The following NHSL2 variants were observed in gnomAD, a reference collection of about 807,000 sequenced individuals.
NHSL2 encodes NHS-like protein 2.
NHSL2 carries 27 observed loss-of-function variants against 53.4 expected under a neutral mutation model. That is an observed-to-expected ratio of 0.51 (90% CI 0.37 to 0.70). The LOEUF is 0.70. Among genes scored for constraint, NHSL2 ranks in the 30% least tolerant of loss-of-function variants. The probability of loss-of-function intolerance (pLI) is 0.00; values close to 1 mark genes in which losing one functional copy is unlikely to be tolerated. For missense variants in NHSL2, 892 were observed against 980.1 expected (o/e 0.91, Z 1.20); for synonymous variants, 408 against 404.1 (o/e 1.01, Z -0.12).
In NHSL2 at chrX:72,130,283, T is replaced by G. The variant is rs6624595; in HGVS notation, c.281-1796T>G. On this transcript the variant is annotated intron_variant, in intron 1 of 7. Coordinates refer to ENST00000633930, the MANE Select transcript of NHSL2 (RefSeq NM_001013627.3). Reference sequence around the variant, plus strand: ...TCATCTTCATCTTCTTCATCCTTACTCTCTCCTTCCTCCTCATTCTTGTTC... The same window carrying G: ...TCATCTTCATCTTCTTCATCCTTACGCTCTCCTTCCTCCTCATTCTTGTTC... 129,357 of 1,197,040 alleles carry G rather than the reference T, an allele frequency of 0.11. 7,681 individuals carry two copies. Among genetic ancestry groups the G allele is most frequent in the East Asian group, 0.52 (17,381 of 33,514 alleles).
At position 72,134,490 on chromosome X, in the gene NHSL2, T is replaced by A. The variant is rs1279939939; in HGVS notation, c.565-19T>A. The stretch of plus-strand genomic sequence containing the variant: ...GCCAGGCAGGAATACACCCTTTCCA[T>A]CACCTTCTCTCCCAACAGCCTACAA... On this transcript the variant is annotated intron_variant, in intron 3 of 7. Transcript: ENST00000633930. 8.7e-7 allele frequency: 1 copy of A among 1,147,716 alleles called. No homozygotes were observed. The highest frequency in any genetic ancestry group is 1.8e-5 in the African/African-American group (1 of 55,600). 94.6% of individuals were successfully genotyped at this position (1,147,716 alleles called of 1,213,427 possible).
chrX:71,924,513 A>G (rs1263659510), intron 1 of NHSL2, among the ~76,000 whole-genome samples: 1 of 111,851 alleles, frequency 8.9e-6, no homozygotes, highest in South Asian at 3.8e-4. Flanking sequence ...CTTCTTTAGA[A>G]CTTGAAAGAA....
In NHSL2 at chrX:72,048,344, C is replaced by A. The variant is rs185756408; in HGVS notation, c.281-83735C>A. ...GGTGGTTATTAGGAAGGAATGGGAG[C>A]CAGAGTGCGTGTGGGTAGGGGTAGC... is the stretch of plus-strand genomic sequence containing the variant. On this transcript the variant is annotated intron_variant, in intron 1 of 7. Coordinates refer to ENST00000633930, the MANE Select transcript of NHSL2 (RefSeq NM_001013627.3). 4.6e-3 allele frequency among the ~76,000 whole-genome samples: 512 copies of A among 110,796 alleles called. 4 individuals carry two copies. Among genetic ancestry groups the A allele is most frequent in the African/African-American group, 0.016 (498 of 30,443 alleles).
At chrX:71,986,756 G>A (rs1270729012) in intron 1 of NHSL2, among the ~76,000 whole-genome samples, 3 of 111,100 alleles carry the variant, frequency 2.7e-5, no homozygotes, top group Non-Finnish European at 5.7e-5. Flanking sequence ...ATTTGGACAC[G>A]TGGGCCCAAA....
intron 1 of NHSL2, among the ~76,000 whole-genome samples, chrX:71,981,187 T>TA (rs2041976793): frequency 8.9e-6 from 1 of 111,912 alleles, no homozygotes; most frequent in South Asian, 3.7e-4. Context: ...TTATGAAAAG[T>TA]AAAAAACTTT....
intron 1 of NHSL2, among the ~76,000 whole-genome samples, chrX:72,023,202 G>C (rs1027693530): frequency 8.9e-6 from 1 of 112,868 alleles, no homozygotes; most frequent in African/African-American, 3.2e-5. Context: ...CAAGGCAACA[G>C]GGAAGTCCAA....
chrX:72,135,551 A>T (rs2042349412), intron 4 of NHSL2, among the ~76,000 whole-genome samples: 1 of 111,890 alleles, frequency 8.9e-6, no homozygotes, highest in Non-Finnish European at 1.9e-5. Context: ...GGAAATGTTG[A>T]TGAAGATGAT....
intron 1 of NHSL2, among the ~76,000 whole-genome samples, chrX:72,086,654 AGC>A (rs1308153867): frequency 2.1e-5 from 2 of 94,276 alleles, no homozygotes; most frequent in Non-Finnish European, 4.1e-5. Context: ...ACTGTACTCC[AGC>A]CTGGGAGACA....
chrX:71,932,052 C>T (rs1041053100), intron 1 of NHSL2, among the ~76,000 whole-genome samples: 1 of 112,383 alleles, frequency 8.9e-6, no homozygotes, highest in African/African-American at 3.2e-5. Flanking sequence ...AACAATTAGC[C>T]ATGGCCCTTG....
chrX:72,119,942 G>GTTT (rs2042169054), intron 1 of NHSL2, among the ~76,000 whole-genome samples: 1 of 112,114 alleles, frequency 8.9e-6, no homozygotes, highest in Non-Finnish European at 1.9e-5. Flanking sequence ...TTTGTTGAGG[G>GTTT]TTTTTATCAT....
chrX:71,932,134 G>A (rs968224746), intron 1 of NHSL2, among the ~76,000 whole-genome samples: 1 of 111,740 alleles, frequency 8.9e-6, no homozygotes, highest in African/African-American at 3.3e-5. Context: ...AATTTTAAAT[G>A]AATGATAGAA....
intron 1 of NHSL2, among the ~76,000 whole-genome samples, chrX:72,042,703 T>A (rs747514747): frequency 9.4e-6 from 1 of 106,033 alleles, no homozygotes; most frequent in East Asian, 3.0e-4. Context: ...GGCAGACTCT[T>A]GGGAAGAGGC....
chrX:71,987,410 G>A (rs2042007942), intron 1 of NHSL2, among the ~76,000 whole-genome samples: 1 of 111,521 alleles, frequency 9.0e-6, no homozygotes, highest in East Asian at 2.8e-4. Context: ...GGGCATGGCT[G>A]TCCATATGTC....
intron 1 of NHSL2, among the ~76,000 whole-genome samples, chrX:72,123,765 A>G (rs751334033): frequency 9.0e-6 from 1 of 111,288 alleles, no homozygotes; most frequent in Admixed American, 9.5e-5. Flanking sequence ...TTCTCACCCG[A>G]ACAGCCCACT....
chrX:71,958,877 G>A (rs2041855107), intron 1 of NHSL2, among the ~76,000 whole-genome samples: 1 of 111,547 alleles, frequency 9.0e-6, no homozygotes, highest in Non-Finnish European at 1.9e-5. Context: ...GGAAACTGAG[G>A]GCCAGAGAAG....
At chrX:72,129,395 T>C (rs1000974492) in intron 1 of NHSL2, 20 of 128,307 alleles carry the variant, frequency 1.6e-4, no homozygotes, top group African/African-American at 4.8e-4. Context: ...CTCTTGCTCA[T>C]TGGGGCAGAT....
intron 1 of NHSL2, chrX:72,130,201 G>A: frequency 8.3e-7 from 1 of 1,210,197 alleles, no homozygotes. Context: ...CTCACCATAG[G>A]TCTCCTCAGT....
chrX:71,972,038 CT>C (rs1443127347), intron 1 of NHSL2, among the ~76,000 whole-genome samples: 45 of 105,431 alleles, frequency 4.3e-4, no homozygotes, highest in South Asian at 1.2e-3. Context: ...CTTTATTTTA[CT>C]TTTTTTTTTT....
intron 1 of NHSL2, among the ~76,000 whole-genome samples, chrX:71,942,012 C>T (rs1285908447): frequency 9.2e-6 from 1 of 109,008 alleles, no homozygotes; most frequent in Non-Finnish European, 1.9e-5. Context: ...GAGTCATGCT[C>T]CTCTTATGCT....
Sources: gnomAD v4.1 joint callset for allele counts (sites outside exome capture counted in the v4.1 genomes callset) on GRCh38, gnomAD v4.1.1 for gene constraint, MANE v1.5 for transcripts, NCBI Gene and HGNC (gene_info 2026-07-23, HGNC 2026-07-21) for gene names.